The following C13orf42 variants were observed in gnomAD, a reference collection of about 807,000 sequenced individuals.
C13orf42 encodes uncharacterized protein C13orf42.
rs183025820 is a variant in C13orf42, at chr13:51,082,291, T to G, written c.*1860A>C. On this transcript the variant is annotated 3_prime_UTR_variant, in exon 4 of 4. Transcript: ENST00000563710. ...AACCTTCTGTTTCCCAATCATGGAA[T>G]TTTTCAGGCTGTGTATAGTCTCATG... 3 of 152,300 alleles carry G rather than the reference T, an allele frequency of 2.0e-5. No homozygotes were observed. The highest frequency in any genetic ancestry group is 2.0e-4 in the Admixed American group (3 of 15,302). The allele number at this position is 152,300 out of a possible 1,614,324, so 9.4% of individuals were successfully genotyped here.
intron 1 of C13orf42, among the ~76,000 whole-genome samples, chr13:51,119,150 GGGTGTACAGTATGCCCA>G (rs1280269164): frequency 1.3e-5 from 2 of 151,424 alleles, no homozygotes; most frequent in African/African-American, 2.4e-5. Flanking sequence ...CAGTATGCCT[GGGTGTACAGTATGCCCA>G]GGTGTACAGT....
At chr13:51,141,704 A>T (rs1055445747) in intron 1 of C13orf42, among the ~76,000 whole-genome samples, 1 of 152,032 alleles carries the variant, frequency 6.6e-6, no homozygotes, top group Non-Finnish European at 1.5e-5. Context: ...AGGCTGAGGC[A>T]GGAGAATCGC....
In C13orf42 at chr13:51,111,274, C is replaced by T. The variant is rs145477309; in HGVS notation, c.-65G>A. On this transcript the variant is annotated 5_prime_UTR_variant, in exon 1 of 4. Transcript: ENST00000563710. ...GTGCTGCCGCCACTTGATCTAGATG[C>T]GGGGAGAGAAGCCGACATCCAGGCC... 2 of 398,068 alleles carry T rather than the reference C, an allele frequency of 5.0e-6. No homozygotes were observed. The highest frequency in any genetic ancestry group is 7.1e-5 in the East Asian group (2 of 28,056). 24.7% of individuals were successfully genotyped at this position (398,068 alleles called of 1,614,324 possible).
chr13:51,090,052 T>A (rs1464981912), intron 1 of C13orf42, among the ~76,000 whole-genome samples: 1 of 151,894 alleles, frequency 6.6e-6, no homozygotes, highest in South Asian at 2.1e-4. Context: ...GGGCTGGGCA[T>A]GGGATGAGAC....
upstream of C13orf42, among the ~76,000 whole-genome samples, chr13:51,115,850 A>G (rs941528932): frequency 6.6e-6 from 1 of 152,242 alleles, no homozygotes; most frequent in African/African-American, 2.4e-5. Context: ...TTCTGGTTGC[A>G]CTATGAATTC....
At chr13:51,137,588 T>C (rs186457182) in intron 1 of C13orf42, among the ~76,000 whole-genome samples, 1 of 152,340 alleles carries the variant, frequency 6.6e-6, no homozygotes, top group African/African-American at 2.4e-5. Flanking sequence ...CCAGGACAGA[T>C]GGAAACCAGC....
At chr13:51,107,512 G>A (rs954820280) in intron 1 of C13orf42, among the ~76,000 whole-genome samples, 1 of 152,156 alleles carries the variant, frequency 6.6e-6, no homozygotes, top group Non-Finnish European at 1.5e-5. Flanking sequence ...ACAAAAGAGG[G>A]ACAGACAAGG....
chr13:51,116,070 T>TAA (rs575782502), upstream of C13orf42, among the ~76,000 whole-genome samples: 122 of 140,588 alleles, frequency 8.7e-4, no homozygotes, highest in Middle Eastern at 3.6e-3. Context: ...AAACCTCTAA[T>TAA]AAAAAAAAAA....
At chr13:51,170,980 C>T (rs1341310951) in intron 1 of C13orf42, among the ~76,000 whole-genome samples, 1 of 151,452 alleles carries the variant, frequency 6.6e-6, no homozygotes, top group African/African-American at 2.5e-5. Context: ...GCCCCAATCC[C>T]TTATTTCCGC....
chr13:51,139,865 G>A (rs565580587), intron 1 of C13orf42, among the ~76,000 whole-genome samples: 1 of 152,314 alleles, frequency 6.6e-6, no homozygotes, highest in African/African-American at 2.4e-5. Flanking sequence ...TAGCCATTTT[G>A]TTATTCCTTT....
At chr13:51,169,800 G>C (rs1305676998) in intron 1 of C13orf42, among the ~76,000 whole-genome samples, 1 of 152,190 alleles carries the variant, frequency 6.6e-6, no homozygotes, top group African/African-American at 2.4e-5. Flanking sequence ...GGAAGCCTCT[G>C]CCTAGATTTC....
At chr13:51,153,624 T>C (rs1440646155) in intron 1 of C13orf42, among the ~76,000 whole-genome samples, 2 of 142,054 alleles carry the variant, frequency 1.4e-5, no homozygotes, top group African/African-American at 5.5e-5. Context: ...GCTTTCTGTT[T>C]TTTTTCTTTT....
At chr13:51,116,452 C>T (rs779475259) in intron 1 of C13orf42, among the ~76,000 whole-genome samples, 1 of 152,240 alleles carries the variant, frequency 6.6e-6, no homozygotes, top group Non-Finnish European at 1.5e-5. Flanking sequence ...GACATTTTCA[C>T]TCAATTTAGA....
chr13:51,160,209 A>T (rs1309414975), intron 1 of C13orf42, among the ~76,000 whole-genome samples: 1 of 152,206 alleles, frequency 6.6e-6, no homozygotes, highest in Non-Finnish European at 1.5e-5. Context: ...CACAATGCCA[A>T]TGTTTAGAAA....
intron 1 of C13orf42, among the ~76,000 whole-genome samples, chr13:51,138,798 C>A (rs1447706137): frequency 2.0e-5 from 3 of 152,164 alleles, no homozygotes; most frequent in Admixed American, 6.5e-5. Flanking sequence ...ATGTTCCCTG[C>A]AGCACTATTC....
chr13:51,136,181 G>A (rs143591070), intron 1 of C13orf42, among the ~76,000 whole-genome samples: 6 of 152,222 alleles, frequency 3.9e-5, no homozygotes, highest in Non-Finnish European at 7.3e-5. Flanking sequence ...CTGTGCTCCC[G>A]TTGCTGAGCT....
At chr13:51,092,305 C>T (rs1304449109) in intron 1 of C13orf42, among the ~76,000 whole-genome samples, 5 of 152,192 alleles carry the variant, frequency 3.3e-5, no homozygotes, top group African/African-American at 2.4e-5. Flanking sequence ...ATATGCATAA[C>T]ATTTTCCTAA....
chr13:51,170,673 G>A (rs1953941851), intron 1 of C13orf42, among the ~76,000 whole-genome samples: 1 of 152,062 alleles, frequency 6.6e-6, no homozygotes, highest in Non-Finnish European at 1.5e-5. Flanking sequence ...TCCCCTTGGT[G>A]TTTAATCATT....
At chr13:51,154,679 T>G (rs1485013491) in intron 1 of C13orf42, among the ~76,000 whole-genome samples, 3 of 152,238 alleles carry the variant, frequency 2.0e-5, no homozygotes, top group Non-Finnish European at 4.4e-5. Flanking sequence ...GAACTGGTTT[T>G]CATTTATCAA....
Sources: allele counts gnomAD v4.1 joint callset (sites outside exome capture counted in the v4.1 genomes callset), GRCh38; gene constraint gnomAD v4.1.1; transcripts MANE v1.5; gene names NCBI Gene and HGNC (gene_info 2026-07-23, HGNC 2026-07-21).